CACNG8: variants seen among roughly 807,000 people sequenced by gnomAD.
The protein encoded by CACNG8 is calcium voltage-gated channel auxiliary subunit gamma 8.
CACNG8 carries 5 observed loss-of-function variants against 26.9 expected under a neutral mutation model. That is an observed-to-expected ratio of 0.19 (90% CI 0.10 to 0.39). CACNG8 has a LOEUF of 0.39. Among genes scored for constraint, CACNG8 ranks in the 10% least tolerant of loss-of-function variants. CACNG8 has a pLI of 1.00. For missense variants in CACNG8, 473 were observed against 609.4 expected, an observed-to-expected ratio of 0.78 and a Z score of 2.36; for synonymous variants, 321 against 296.7, an observed-to-expected ratio of 1.08 and a Z score of -0.84.
At chr19:53,966,752 T>C (rs1428376629) in intron 1 of CACNG8, among the ~76,000 whole-genome samples, 2 of 152,136 alleles carry the variant, frequency 1.3e-5, no homozygotes, top group Non-Finnish European at 2.9e-5. Context: ...ATGGGAGCCG[T>C]TGAAGGTTCT....
rs1334899099 is a variant in CACNG8, at chr19:53,985,624, A to T, written c.*2775A>T. ...TTGGGAGACTGAGGCAGGCAGATTG[A>T]GCTCAGGAGTTCCAGACCAGCCAAC... On this transcript the variant is annotated 3_prime_UTR_variant, in exon 4 of 4. Coordinates refer to ENST00000270458, the MANE Select transcript of CACNG8 (RefSeq NM_031895.6). The T allele has an allele frequency of 6.6e-6, 1 of 152,098 alleles. No individual in the cohort carries two copies. The allele number at this position is 152,098 out of a possible 1,614,324, so 9.4% of individuals were successfully genotyped here.
intron 2 of CACNG8, 40 bp from the exon 3 acceptor site, chr19:53,979,827 C>T (rs760774068): frequency 1.3e-6 from 2 of 1,545,568 alleles, no homozygotes; most frequent in South Asian, 2.4e-5. Flanking sequence ...GTCTGACCGC[C>T]CTCGCTCTCC....
chr19:53,971,607 G>C (rs747778049), intron 1 of CACNG8, among the ~76,000 whole-genome samples: 3 of 152,212 alleles, frequency 2.0e-5, no homozygotes, highest in Non-Finnish European at 2.9e-5. Context: ...TCTTCTCTCA[G>C]GACTCAAGAG....
chr19:53,978,880 G>C (rs1292471326), intron 2 of CACNG8, among the ~76,000 whole-genome samples: 1 of 138,390 alleles, frequency 7.2e-6, no homozygotes, highest in African/African-American at 2.6e-5. Context: ...GGGAGGGAGG[G>C]AAGGAGGAAG....
intron 1 of CACNG8, among the ~76,000 whole-genome samples, chr19:53,976,500 A>G (rs2069330905): frequency 6.6e-6 from 1 of 152,232 alleles, no homozygotes; most frequent in Non-Finnish European, 1.5e-5. Context: ...AGCTCTTGCC[A>G]GTATTACTCA....
At chr19:53,979,824 C>A (rs2069353355) in intron 2 of CACNG8, 43 bp from the exon 3 acceptor site, 3 of 1,529,966 alleles carry the variant, frequency 2.0e-6, no homozygotes, top group Non-Finnish European at 2.6e-6. Context: ...CGCGTCTGAC[C>A]GCCCTCGCTC....
intron 1 of CACNG8, among the ~76,000 whole-genome samples, chr19:53,970,231 G>A (rs1000658640): frequency 1.3e-5 from 2 of 152,160 alleles, no homozygotes; most frequent in African/African-American, 4.8e-5. Context: ...CAGGAGAATC[G>A]CTTGAACCCA....
In CACNG8 at chr19:53,963,067, C is replaced by T. The variant is rs983351960; in HGVS notation, c.-76C>T. 7 of 920,036 alleles carry T rather than the reference C, an allele frequency of 7.6e-6. No homozygotes were observed. The highest frequency in any genetic ancestry group is 4.2e-5 in the Admixed American group (1 of 24,046). 57.0% of individuals were successfully genotyped at this position (920,036 alleles called of 1,614,324 possible). On this transcript the variant is annotated 5_prime_UTR_variant, in exon 1 of 4. Coordinates refer to ENST00000270458, the MANE Select transcript of CACNG8 (RefSeq NM_031895.6). ...CCGCTTCTGCCTGCGCTGTGAACCC[C>T]CCCCCAGCCGCCGGCACGGCCCCGC...
chr19:53,977,747 T>C (rs1423737586), intron 1 of CACNG8, among the ~76,000 whole-genome samples: 1 of 152,150 alleles, frequency 6.6e-6, no homozygotes, highest in Admixed American at 6.6e-5. Context: ...TTCCAGACTT[T>C]TCAACCAATT....
chr19:53,972,891 C>G (rs967743004), intron 1 of CACNG8, among the ~76,000 whole-genome samples: 2 of 152,174 alleles, frequency 1.3e-5, no homozygotes, highest in African/African-American at 4.8e-5. Context: ...AACTCCCAAA[C>G]CGAGCTGTGC....
intron 1 of CACNG8, 45 bp downstream of exon 1, chr19:53,963,470 C>T: frequency 7.0e-7 from 1 of 1,420,542 alleles, no homozygotes; most frequent in Non-Finnish European, 9.1e-7. Context: ...CGCTCCCCTC[C>T]GAGAGACCCT....
chr19:53,980,492 A>G (rs563918457), intron 3 of CACNG8, among the ~76,000 whole-genome samples: 2 of 151,888 alleles, frequency 1.3e-5, no homozygotes, highest in Non-Finnish European at 2.9e-5. Context: ...TGGATCCAAG[A>G]GGGGGCTGGT....
At chr19:53,967,157 G>A (rs1568796233) in intron 1 of CACNG8, among the ~76,000 whole-genome samples, 4 of 152,164 alleles carry the variant, frequency 2.6e-5, no homozygotes, top group Admixed American at 2.0e-4. Context: ...ATTGTAAATT[G>A]TGTCTAAACA....
chr19:53,982,988 T>TC lies in CACNG8; in HGVS notation c.*143dup. On this transcript the variant is annotated 3_prime_UTR_variant, in exon 4 of 4. Transcript: ENST00000270458. This position sits in a 1 kb window ranked among gnomAD's most constrained non-coding sequence, Gnocchi z 8.4. ...TGCTGGGCCCGCCCCACGCCCACCC[T>TC]CCCCGCCCCCCTCCCCCTCCGAAGC... 2 of 375,976 alleles carry TC rather than the reference T, an allele frequency of 5.3e-6. No homozygotes were observed. Among genetic ancestry groups the TC allele is most frequent in the Non-Finnish European group, 8.0e-6 (2 of 249,746 alleles). 23.3% of individuals were successfully genotyped at this position (375,976 alleles called of 1,614,324 possible). A position where few individuals can be genotyped will look rare whatever the true frequency, so the allele number is the denominator to read the frequency against.
At chr19:53,968,298 C>T (rs932915764) in intron 1 of CACNG8, among the ~76,000 whole-genome samples, 1 of 151,504 alleles carries the variant, frequency 6.6e-6, no homozygotes, top group Non-Finnish European at 1.5e-5. Context: ...TTGCTTAAAC[C>T]CAGGAAGTCG....
At chr19:53,977,540 TCCAGAAGG>T (rs2069336735) in intron 1 of CACNG8, among the ~76,000 whole-genome samples, 2 of 152,024 alleles carry the variant, frequency 1.3e-5, no homozygotes, top group Non-Finnish European at 2.9e-5. Flanking sequence ...TCCATTTCTC[TCCAGAAGG>T]TTCCAGGTTC....
In CACNG8 at chr19:53,982,715, G is replaced by A. The variant is rs1489888524; in HGVS notation, c.1144G>A (p.Val382Ile). 2 of 1,168,608 alleles carry A rather than the reference G, an allele frequency of 1.7e-6. No individual in the cohort carries two copies. Among genetic ancestry groups the A allele is most frequent in the Non-Finnish European group, 2.1e-6 (2 of 953,340 alleles). The allele number at this position is 1,168,608 out of a possible 1,614,324, so 72.4% of individuals were successfully genotyped here. The stretch of plus-strand genomic sequence containing the variant: ...CAAGGAGGCGGGCGGCGGCGTCACG[G>A]TCACGGTCACCGGGCCGCCCGCCCC... The change falls in exon 4 of 4, where the codon GTC becomes ATC. Residue 382 changes from valine (V) to isoleucine (I), a missense_variant. Val to Ile is a conservative substitution (Grantham distance 29). Around this residue, in one of 6 missense-constraint regions of CACNG8, gnomAD observed 212 missense variants for 214.4 expected, o/e 0.99. Coordinates refer to ENST00000270458, the MANE Select transcript of CACNG8 (RefSeq NM_031895.6). This position sits in a 1 kb window ranked among gnomAD's most constrained non-coding sequence, Gnocchi z 8.4.
rs185517477 is a variant in CACNG8 at position 53,967,853 on chromosome 19, G to T, written c.283+4428G>T. ...CTAAGAAAAAAAAACTTTTTTTTTTGAATTCCATGTCATTTTCACATGCCA... is the reference window on the plus strand; with the variant it reads ...CTAAGAAAAAAAAACTTTTTTTTTTTAATTCCATGTCATTTTCACATGCCA... On this transcript the variant is annotated intron_variant, in intron 1 of 3. Transcript: ENST00000270458. 1.8e-3 allele frequency among the ~76,000 whole-genome samples: 270 copies of T among 150,744 alleles called. 2 individuals are homozygous for T. The highest frequency in any genetic ancestry group is 5.9e-3 in the African/African-American group (243 of 41,100).
Position 53,979,905 on chromosome 19 carries a change from G to A in CACNG8, c.406G>A (p.Ala136Thr). The stretch of plus-strand genomic sequence containing the variant: ...CTCCAGCATCTTCCCCATCCTTAGC[G>A]CCATCCTGCTGCTGCTCGGGGGTGT... The change falls in exon 3 of 4, where the codon GCC (alanine) becomes ACC (threonine). Residue 136 changes from alanine to threonine, a missense_variant. Physicochemically the swap from Ala to Thr is moderately conservative, Grantham distance 58. Around this residue, in one of 6 missense-constraint regions of CACNG8, gnomAD observed 155 missense variants for 253.0 expected, o/e 0.61. Transcript: ENST00000270458. 2 of 1,610,996 alleles carry A rather than the reference G, an allele frequency of 1.2e-6. No homozygotes were observed. The highest frequency in any genetic ancestry group is 1.7e-6 in the Non-Finnish European group (2 of 1,178,332).
Sources: gnomAD v4.1 joint callset for allele counts (sites outside exome capture counted in the v4.1 genomes callset) on GRCh38, gnomAD v4.1.1 for gene constraint, gnomAD v4.1.1 regional missense constraint, Gnocchi (gnomAD v3.1) non-coding constraint, MANE v1.5 for transcripts, NCBI Gene and HGNC (gene_info 2026-07-23, HGNC 2026-07-21) for gene names.